Variants in FGFR2 observed in about 807,000 individuals in gnomAD.
FGFR2 encodes the protein fibroblast growth factor receptor 2, also known as BEK fibroblast growth factor receptor.
Under a neutral mutation model 95.9 loss-of-function variants are expected in FGFR2, and 19 were observed. The observed-to-expected ratio is 0.20, with a 90% confidence interval of 0.14 to 0.29. The LOEUF (loss-of-function observed/expected upper bound fraction) is 0.29, where lower values mean the gene tolerates loss of function less well. FGFR2 is among the 10% of genes least tolerant of loss of function. FGFR2 has a pLI of 1.00. For missense variants in FGFR2, 707 were observed against 1,056.9 expected (o/e 0.67, Z 4.59); for synonymous variants, 392 against 393.3 (o/e 1.00, Z 0.04).
chr10:121,507,448 C>T (rs1255493126), intron 9 of FGFR2, among the ~76,000 whole-genome samples: 1 of 152,110 alleles, frequency 6.6e-6, no homozygotes, highest in East Asian at 1.9e-4. Flanking sequence ...GTTAGCCGGG[C>T]ATGGTGGTGA....
At chr10:121,489,687 C>T (rs1845880972) in intron 13 of FGFR2, among the ~76,000 whole-genome samples, 1 of 152,226 alleles carries the variant, frequency 6.6e-6, no homozygotes, top group Non-Finnish European at 1.5e-5. Context: ...AATGCTTTGT[C>T]TCTCTTAATC....
chr10:121,573,239 C>T (rs1037811319), intron 2 of FGFR2, among the ~76,000 whole-genome samples: 1 of 152,182 alleles, frequency 6.6e-6, no homozygotes, highest in Non-Finnish European at 1.5e-5. Context: ...AATCACTTCA[C>T]GGAGAATGGA....
chr10:121,487,109 G>A (rs1293921254), intron 15 of FGFR2, among the ~76,000 whole-genome samples: 1 of 152,240 alleles, frequency 6.6e-6, no homozygotes, highest in African/African-American at 2.4e-5. Context: ...TTCAAGGGAA[G>A]GACTTCCGCT....
At chr10:121,580,511 G>A (rs1860685003) in intron 2 of FGFR2, among the ~76,000 whole-genome samples, 1 of 152,178 alleles carries the variant, frequency 6.6e-6, no homozygotes, top group South Asian at 2.1e-4. Flanking sequence ...ACAGAGTTGT[G>A]GCCTGGGGAG....
chr10:121,521,209 C>T (rs2134336844), intron 6 of FGFR2, among the ~76,000 whole-genome samples: 1 of 152,334 alleles, frequency 6.6e-6, no homozygotes, highest in Admixed American at 6.5e-5. Flanking sequence ...TAAGGAGATG[C>T]TGGTTTCCAA....
Position 121,518,961 on chromosome 10 carries a change from A to G in FGFR2, c.939+1018T>C. ...AAACAGCGGCATTAAAGGGCTGCGG[A>G]TTTTAAAGAACAAAATCAGTCCAGT... is the stretch of plus-strand genomic sequence containing the variant. On this transcript the variant is annotated intron_variant, in intron 7 of 17. Coordinates refer to ENST00000358487, the MANE Select transcript of FGFR2 (RefSeq NM_000141.5). This position sits in a 1 kb window ranked among gnomAD's most constrained non-coding sequence, Gnocchi z 4.0. 9.1e-7 allele frequency: 1 copy of G among 1,099,476 alleles called. No individual in the cohort carries two copies. Among genetic ancestry groups the G allele is most frequent in the South Asian group, 1.3e-5 (1 of 76,594 alleles). 68.1% of individuals were successfully genotyped at this position (1,099,476 alleles called of 1,614,324 possible).
intron 6 of FGFR2, among the ~76,000 whole-genome samples, chr10:121,522,562 GA>G (rs939444868): frequency 6.6e-6 from 1 of 151,526 alleles, no homozygotes; most frequent in African/African-American, 2.4e-5. Context: ...TCTTAGAAAA[GA>G]AAAAAAACTT....
intron 6 of FGFR2, among the ~76,000 whole-genome samples, chr10:121,529,417 A>G (rs980083058): frequency 2.0e-5 from 3 of 152,204 alleles, no homozygotes; most frequent in Non-Finnish European, 4.4e-5. Context: ...GCCAAAATGT[A>G]AAATTTAAAG....
chr10:121,558,995 G>A (rs1856568998), intron 4 of FGFR2, among the ~76,000 whole-genome samples: 1 of 150,674 alleles, frequency 6.6e-6, no homozygotes, highest in Non-Finnish European at 1.5e-5. Flanking sequence ...GCCTTCTTAT[G>A]TTAACCAACA....
chr10:121,567,427 G>C (rs1857845048), intron 2 of FGFR2, among the ~76,000 whole-genome samples: 1 of 152,206 alleles, frequency 6.6e-6, no homozygotes, highest in African/African-American at 2.4e-5. Flanking sequence ...CTGACGGGCA[G>C]GTTATGTTTC....
chr10:121,511,180 C>CA lies in FGFR2; in HGVS notation c.1287+3936dup, dbSNP rs370826516. ...AGGTGAAACTAAAGTCTGAAAAAAA[C>CA]AAAAAAAAAACCACCCTGCAGCCTC... On this transcript the variant is annotated intron_variant, in intron 9 of 17. Transcript: ENST00000358487. 1.2e-3 allele frequency among the ~76,000 whole-genome samples: 174 copies of CA among 144,592 alleles called. 2 individuals carry two copies. The highest frequency in any genetic ancestry group is 6.9e-3 in the East Asian group (33 of 4,786). The allele number at this position is 144,592 out of a possible 152,430, so 94.9% of individuals were successfully genotyped here. A position where few individuals can be genotyped will look rare whatever the true frequency, so the allele number is the denominator to read the frequency against.
At chr10:121,570,992 T>C (rs1858575529) in intron 2 of FGFR2, among the ~76,000 whole-genome samples, 1 of 148,660 alleles carries the variant, frequency 6.7e-6, no homozygotes, top group South Asian at 2.1e-4. Context: ...CAGCCTTTTT[T>C]TTCTTTTTTT....
rs1346210003 is a variant in FGFR2, at chr10:121,593,805, C to A, written c.13G>T (p.Gly5Cys). Residue 5 changes from glycine (G) to cysteine (C), a missense_variant, in exon 2 of 18, where the codon GGT becomes TGT. Around this residue, in one of 7 missense-constraint regions of FGFR2, gnomAD observed 178 missense variants for 194.1 expected, o/e 0.92. Coordinates refer to ENST00000358487, the MANE Select transcript of FGFR2 (RefSeq NM_000141.5). MVSW[G>C]RFICLVVVTM... is the part of the protein sequence containing the mutation. ...ACCACGACCAGGCAGATGAAACGAC[C>A]CCAGCTGACCATGGTTACGGTACCA... 1 of 1,614,138 alleles carries A rather than the reference C, an allele frequency of 6.2e-7. No homozygotes were observed.
chr10:121,590,593 T>C (rs1217141288), intron 2 of FGFR2, among the ~76,000 whole-genome samples: 2 of 152,202 alleles, frequency 1.3e-5, no homozygotes, highest in Admixed American at 1.3e-4. Context: ...CTTAAGTCAA[T>C]TGAGTGGGCC....
intron 2 of FGFR2, among the ~76,000 whole-genome samples, chr10:121,586,202 G>A (rs543332950): frequency 1.1e-4 from 16 of 152,284 alleles, no homozygotes; most frequent in African/African-American, 3.9e-4. Flanking sequence ...AAATAATCAC[G>A]ATAATTGATA....
chr10:121,548,245 C>CTTTTTTTTTTTTTTTT lies in FGFR2; in HGVS notation c.624+3029_624+3044dup, dbSNP rs57061338. ...TGTGTGGCCCTCTGCCGCTTTTGGC[C>CTTTTTTTTTTTTTTTT]TTTTTTTTTTTTTTTTTTTTTTTTT... On this transcript the variant is annotated intron_variant, in intron 5 of 17. Transcript: ENST00000358487. Among the ~76,000 whole-genome samples the CTTTTTTTTTTTTTTTT allele has an allele frequency of 9.4e-4, 44 of 46,700 alleles. 2 individuals carry two copies. Among genetic ancestry groups the CTTTTTTTTTTTTTTTT allele is most frequent in the Non-Finnish European group, 1.6e-3 (38 of 24,198 alleles). 30.6% of individuals were successfully genotyped at this position (46,700 alleles called of 152,430 possible).
At chr10:121,487,323 G>A (rs772271437) in intron 15 of FGFR2, 31 bp downstream of exon 15, 3 of 1,584,812 alleles carry the variant, frequency 1.9e-6, no homozygotes, top group Middle Eastern at 1.7e-4. Context: ...CTCAAGCCCA[G>A]GAAAAAGCCA....
rs41294235 is a variant in FGFR2 at position 121,481,610 on chromosome 10, G to A, written c.2302-1589C>T. ...ACGAAATTTTGTCCTAAATGGAACC[G>A]TTTTTCTTGAGCATATGGTAATGAT... On this transcript the variant is annotated intron_variant, in intron 17 of 17. Transcript: ENST00000358487. Among the ~76,000 whole-genome samples, 833 of 152,102 alleles carry A rather than the reference G, an allele frequency of 5.5e-3. 8 individuals are homozygous for A. The highest frequency in any genetic ancestry group is 8.2e-3 in the Non-Finnish European group (555 of 67,978).
chr10:121,587,907 A>G (rs1862074982), intron 2 of FGFR2, among the ~76,000 whole-genome samples: 1 of 152,214 alleles, frequency 6.6e-6, no homozygotes, highest in Admixed American at 6.5e-5. Context: ...TACCCAGAGG[A>G]ATATAAATCA....
Sources: gnomAD v4.1 joint callset for allele counts (sites outside exome capture counted in the v4.1 genomes callset) on GRCh38, gnomAD v4.1.1 for gene constraint, gnomAD v4.1.1 regional missense constraint, Gnocchi (gnomAD v3.1) non-coding constraint, MANE v1.5 for transcripts, NCBI Gene and HGNC (gene_info 2026-07-23, HGNC 2026-07-21) for gene names.